GPC4: variants seen among roughly 807,000 people sequenced by gnomAD.
The protein encoded by GPC4 is glypican 4, also known as glypican-4.
A neutral mutation model predicts 35.0 loss-of-function variants in GPC4; 10 were observed. That is an observed-to-expected ratio of 0.29 (90% CI 0.18 to 0.48). The LOEUF is 0.48. Ranked by LOEUF, GPC4 falls within the 20% of genes least tolerant of loss-of-function variation. The pLI is 0.99. For synonymous variants in GPC4, 167 were observed against 170.2 expected (o/e 0.98, Z 0.15); for missense variants, 322 against 451.3 (o/e 0.71, Z 2.60).
rs190496813 is a variant in GPC4, at chrX:133,304,021, C to T, written c.1293-680G>A. On this transcript the variant is annotated intron_variant, in intron 7 of 8. Coordinates refer to ENST00000370828, the MANE Select transcript of GPC4 (RefSeq NM_001448.3). ...AAGAAGTATGGGTACTGGCTGGGTGCGGTGGCTCACACCTGTAATCCCAGC... is the reference window on the plus strand; with the variant it reads ...AAGAAGTATGGGTACTGGCTGGGTGTGGTGGCTCACACCTGTAATCCCAGC... Among the ~76,000 whole-genome samples, 679 of 108,705 alleles carry T rather than the reference C, an allele frequency of 6.2e-3. 5 individuals are homozygous for T. Among genetic ancestry groups the T allele is most frequent in the Non-Finnish European group, 9.5e-3 (498 of 52,373 alleles). 94.4% of individuals were successfully genotyped at this position (108,705 alleles called of 115,157 possible). A position where few individuals can be genotyped will look rare whatever the true frequency, so the allele number is the denominator to read the frequency against.
chrX:133,380,725 T>TGA (rs1179426483), intron 1 of GPC4, among the ~76,000 whole-genome samples: 3 of 111,752 alleles, frequency 2.7e-5, no homozygotes, highest in African/African-American at 9.8e-5. Flanking sequence ...TTAACACGAC[T>TGA]GAAAGCTTCC....
chrX:133,379,115 A>G (rs991370497), intron 1 of GPC4, among the ~76,000 whole-genome samples: 1 of 112,590 alleles, frequency 8.9e-6, no homozygotes, highest in Non-Finnish European at 1.9e-5. Flanking sequence ...AACTGAAAAC[A>G]GGTGTTCACA....
Position 133,302,651 on chromosome X carries a change from G to T in GPC4, c.*216C>A, listed in dbSNP as rs1231175067. 2 of 422,097 alleles carry T rather than the reference G, an allele frequency of 4.7e-6. No homozygotes were observed. Among genetic ancestry groups the T allele is most frequent in the African/African-American group, 5.0e-5 (2 of 40,228 alleles). The allele number at this position is 422,097 out of a possible 1,213,427, so 34.8% of individuals were successfully genotyped here. On this transcript the variant is annotated 3_prime_UTR_variant, in exon 9 of 9. Coordinates refer to ENST00000370828, the MANE Select transcript of GPC4 (RefSeq NM_001448.3). ...CTACACTGTTAGCCACGTTTAACAT[G>T]GTTTGGGGGAGCAGGAACCAACTCA...
intron 1 of GPC4, among the ~76,000 whole-genome samples, chrX:133,372,345 G>A: frequency 9.1e-6 from 1 of 109,749 alleles, no homozygotes; most frequent in Non-Finnish European, 1.9e-5. Context: ...ATCCTTAGGG[G>A]CTCCTTACAA....
At chrX:133,344,652 T>C (rs1208611868) in intron 1 of GPC4, among the ~76,000 whole-genome samples, 2 of 111,574 alleles carry the variant, frequency 1.8e-5, no homozygotes, top group Non-Finnish European at 3.8e-5. Context: ...GGGGCAGTAA[T>C]AGAGGAATAC....
At chrX:133,365,919 G>C (rs940424940) in intron 1 of GPC4, among the ~76,000 whole-genome samples, 2 of 112,173 alleles carry the variant, frequency 1.8e-5, no homozygotes, top group African/African-American at 3.2e-5. Context: ...CTGGATGTTA[G>C]GTTACAGGGC....
At chrX:133,384,768 CA>C (rs1227448064) in intron 1 of GPC4, among the ~76,000 whole-genome samples, 1 of 111,953 alleles carries the variant, frequency 8.9e-6, no homozygotes, top group Non-Finnish European at 1.9e-5. Context: ...ACGCCTCCTG[CA>C]AATCTCTTAA....
At chrX:133,398,026 C>T (rs1427402888) in intron 1 of GPC4, among the ~76,000 whole-genome samples, 1 of 111,909 alleles carries the variant, frequency 8.9e-6, no homozygotes, top group East Asian at 2.8e-4. Flanking sequence ...ATTGCCCCAT[C>T]GCACTCCAGC....
intron 1 of GPC4, among the ~76,000 whole-genome samples, chrX:133,396,179 C>A (rs886373456): frequency 9.0e-6 from 1 of 111,674 alleles, no homozygotes; most frequent in Non-Finnish European, 1.9e-5. Flanking sequence ...TAGGAAACTG[C>A]CTGCAGTTGA....
At chrX:133,353,783 C>CAAGG (rs771000060) in intron 1 of GPC4, among the ~76,000 whole-genome samples, 137 of 110,758 alleles carry the variant, frequency 1.2e-3, no homozygotes, top group African/African-American at 4.2e-3. Context: ...TATATATGAC[C>CAAGG]AAGGGCCCAG....
At chrX:133,382,512 A>G (rs1296651569) in intron 1 of GPC4, among the ~76,000 whole-genome samples, 1 of 107,246 alleles carries the variant, frequency 9.3e-6, no homozygotes, top group Non-Finnish European at 1.9e-5. Context: ...GTGGATCACC[A>G]GGTCAGGAGA....
chrX:133,328,782 G>A (rs1275647422), intron 2 of GPC4, among the ~76,000 whole-genome samples: 5 of 111,387 alleles, frequency 4.5e-5, no homozygotes, highest in Non-Finnish European at 7.5e-5. Flanking sequence ...CAAGAGCAAT[G>A]TAAACCAGGA....
intron 4 of GPC4, among the ~76,000 whole-genome samples, chrX:133,310,931 T>C (rs1019274926): frequency 3.6e-5 from 4 of 110,705 alleles, no homozygotes; most frequent in Non-Finnish European, 7.6e-5. Flanking sequence ...GAGTTTCAGG[T>C]TACACAGAGC....
intron 1 of GPC4, among the ~76,000 whole-genome samples, chrX:133,411,832 G>A (rs1431286948): frequency 9.0e-6 from 1 of 110,875 alleles, no homozygotes; most frequent in Non-Finnish European, 1.9e-5. Flanking sequence ...AAAGTACAGG[G>A]GTCAAGCAGA....
In GPC4 at chrX:133,415,030, G is replaced by A. The variant is rs1476638094; in HGVS notation, c.-65C>T. The A allele has an allele frequency of 3.0e-5, 33 of 1,095,943 alleles. No homozygotes were observed. The East Asian group carries it at 5.9e-4, about 19-fold the overall frequency. The allele number at this position is 1,095,943 out of a possible 1,213,427, so 90.3% of individuals were successfully genotyped here. On this transcript the variant is annotated 5_prime_UTR_variant, in exon 1 of 9. Transcript: ENST00000370828. ...GGACGGGAAGCGGCGCTACGGCAGC[G>A]GGCCGAGGGCTGGCGGAGTCGGGGA...
At chrX:133,349,153 T>C (rs2068505884) in intron 1 of GPC4, among the ~76,000 whole-genome samples, 1 of 112,126 alleles carries the variant, frequency 8.9e-6, no homozygotes, top group Non-Finnish European at 1.9e-5. Flanking sequence ...GCTTGGAAGG[T>C]CATGGTGATT....
chrX:133,307,885 A>C (rs1474734451), intron 4 of GPC4, among the ~76,000 whole-genome samples: 1 of 112,349 alleles, frequency 8.9e-6, no homozygotes, highest in Admixed American at 9.4e-5. Context: ...TGTTTGTGAA[A>C]GACTGAAAGG....
In GPC4 at chrX:133,306,110, T is replaced by C; in HGVS notation, c.922A>G (p.Ile308Val). ...VAERLEGPFN[I>V]ESVMDPIDVK... ...TCGATGGGATCCATGACCGATTCAA[T>C]GTTGAAAGGACCCTCTAGCCTCTCT... The change falls in exon 5 of 9, where the codon ATT becomes GTT. Residue 308 changes from isoleucine (I) to valine (V), a missense_variant. Ile to Val is a conservative substitution (Grantham distance 29). Around this residue, in one of 3 missense-constraint regions of GPC4, gnomAD observed 163 missense variants for 277.2 expected, o/e 0.59. Transcript: ENST00000370828. The C allele has an allele frequency of 8.3e-7, 1 of 1,210,944 alleles. No individual in the cohort carries two copies. Among genetic ancestry groups the C allele is most frequent in the Non-Finnish European group, 1.1e-6 (1 of 894,934 alleles).
At chrX:133,387,995 T>A (rs1959950632) in intron 1 of GPC4, among the ~76,000 whole-genome samples, 1 of 112,110 alleles carries the variant, frequency 8.9e-6, no homozygotes, top group Admixed American at 9.5e-5. Context: ...AACTTTGTGT[T>A]GTCTAAAAGC....
Sources: gnomAD v4.1 joint callset for allele counts (sites outside exome capture counted in the v4.1 genomes callset) on GRCh38, gnomAD v4.1.1 for gene constraint, gnomAD v4.1.1 regional missense constraint, MANE v1.5 for transcripts, NCBI Gene and HGNC (gene_info 2026-07-23, HGNC 2026-07-21) for gene names.